The following KCNMB2 variants were observed in gnomAD, a reference collection of about 807,000 sequenced individuals.
KCNMB2 encodes the protein potassium calcium-activated channel subfamily M regulatory beta subunit 2, also known as calcium-activated potassium channel subunit beta-2.
In KCNMB2, 9 loss-of-function variants were observed where a neutral mutation model predicts 24.5. That is an observed-to-expected ratio of 0.37 (90% CI 0.22 to 0.64). The LOEUF (loss-of-function observed/expected upper bound fraction) is 0.64, where lower values mean the gene tolerates loss of function less well. Among genes scored for constraint, KCNMB2 ranks in the 30% least tolerant of loss-of-function variants. The probability of loss-of-function intolerance (pLI) is 0.63; values close to 1 mark genes in which losing one functional copy is unlikely to be tolerated. For missense variants in KCNMB2, 226 were observed against 284.3 expected, an observed-to-expected ratio of 0.79 and a Z score of 1.47; for synonymous variants, 109 against 104.4, an observed-to-expected ratio of 1.04 and a Z score of -0.27.
intron 1 of KCNMB2, among the ~76,000 whole-genome samples, chr3:178,803,525 G>T (rs1481894299): frequency 1.3e-5 from 2 of 152,202 alleles, no homozygotes. Flanking sequence ...TACATACTTA[G>T]ATGGTCAAGG....
chr3:178,599,468 C>A (rs1349786647), intron 1 of KCNMB2, among the ~76,000 whole-genome samples: 1 of 152,188 alleles, frequency 6.6e-6, no homozygotes, highest in East Asian at 1.9e-4. Context: ...TATGTGCTAT[C>A]AAAACAATAC....
intron 4 of KCNMB2, among the ~76,000 whole-genome samples, chr3:178,838,377 C>T (rs1000043375): frequency 5.3e-5 from 8 of 152,156 alleles, no homozygotes; most frequent in African/African-American, 1.9e-4. Flanking sequence ...ATTCTCTGCT[C>T]TACTCACCTA....
intron 1 of KCNMB2, among the ~76,000 whole-genome samples, chr3:178,800,740 G>A (rs1157442458): frequency 6.6e-6 from 1 of 152,096 alleles, no homozygotes; most frequent in Non-Finnish European, 1.5e-5. Context: ...GTTTGTTGCA[G>A]CACTATTCAC....
chr3:178,781,839 T>C (rs1455191868), intron 1 of KCNMB2, among the ~76,000 whole-genome samples: 1 of 150,858 alleles, frequency 6.6e-6, no homozygotes, highest in Non-Finnish European at 1.5e-5. Context: ...GTGCACATAG[T>C]GCAGGTTAGT....
intron 1 of KCNMB2, among the ~76,000 whole-genome samples, chr3:178,683,453 C>T (rs1325956676): frequency 2.0e-5 from 3 of 152,060 alleles, no homozygotes; most frequent in East Asian, 3.9e-4. Context: ...AACTAATCTG[C>T]ACATGTACCC....
rs1328892815 is a variant in KCNMB2, at chr3:178,752,327, CA to C, written c.-67-55015del. Reference sequence around the variant, plus strand: ...CCTTTAAGAAAATCAAACATTTTAACAGGTGGAATTTTTGACAAGAATGTAG... The same window carrying C: ...CCTTTAAGAAAATCAAACATTTTAACGGTGGAATTTTTGACAAGAATGTAG... On this transcript the variant is annotated intron_variant, in intron 1 of 4. Transcript: ENST00000452583. Among the ~76,000 whole-genome samples, 11 of 152,186 alleles carry C rather than the reference CA, an allele frequency of 7.2e-5. No individual in the cohort carries two copies. In the East Asian group the frequency reaches 1.4e-3, roughly 19 times the overall value.
intron 1 of KCNMB2, among the ~76,000 whole-genome samples, chr3:178,585,587 T>C (rs920342566): frequency 6.6e-6 from 1 of 152,220 alleles, no homozygotes; most frequent in Middle Eastern, 3.4e-3. Flanking sequence ...CTTATCTGGG[T>C]ATTTGAATAT....
intron 1 of KCNMB2, among the ~76,000 whole-genome samples, chr3:178,643,430 C>G (rs893943919): frequency 6.6e-6 from 1 of 152,072 alleles, no homozygotes; most frequent in African/African-American, 2.4e-5. Context: ...ACTGCTGAAA[C>G]CTGAATAAGC....
intron 1 of KCNMB2, among the ~76,000 whole-genome samples, chr3:178,648,229 A>G (rs867418468): frequency 1.2e-4 from 19 of 152,152 alleles, no homozygotes; most frequent in Middle Eastern, 3.2e-3. Flanking sequence ...ATATACACAA[A>G]AATATTATGT....
At chr3:178,547,099 T>C (rs1260765664) in intron 1 of KCNMB2, among the ~76,000 whole-genome samples, 1 of 152,202 alleles carries the variant, frequency 6.6e-6, no homozygotes, top group Non-Finnish European at 1.5e-5. Context: ...TAATGCCATT[T>C]TCGCTGGAGT....
chr3:178,683,801 A>T (rs576766386), intron 1 of KCNMB2, among the ~76,000 whole-genome samples: 1 of 152,348 alleles, frequency 6.6e-6, no homozygotes, highest in East Asian at 1.9e-4. Flanking sequence ...TCAAAAAGTC[A>T]AAAGGTAAAT....
intron 1 of KCNMB2, among the ~76,000 whole-genome samples, chr3:178,760,390 A>G (rs1336005641): frequency 7.4e-6 from 1 of 135,408 alleles, no homozygotes; most frequent in Non-Finnish European, 1.6e-5. Context: ...TTATATATAT[A>G]TCCATATCCA....
intron 1 of KCNMB2, among the ~76,000 whole-genome samples, chr3:178,777,786 T>C (rs868620584): frequency 1.3e-5 from 2 of 152,166 alleles, no homozygotes; most frequent in Non-Finnish European, 2.9e-5. Flanking sequence ...TAACAGTAAA[T>C]AGGTGCTTAT....
chr3:178,656,529 T>C (rs1720348857), intron 1 of KCNMB2, among the ~76,000 whole-genome samples: 1 of 152,104 alleles, frequency 6.6e-6, no homozygotes, highest in South Asian at 2.1e-4. Flanking sequence ...TCCCAGAACT[T>C]TGGGAGGCTG....
At chr3:178,683,132 T>G (rs561737747) in intron 1 of KCNMB2, among the ~76,000 whole-genome samples, 1 of 152,284 alleles carries the variant, frequency 6.6e-6, no homozygotes, top group South Asian at 2.1e-4. Flanking sequence ...CATGGAATAC[T>G]ACGCAACCAT....
At chr3:178,579,821 G>A (rs1466511058) in intron 1 of KCNMB2, among the ~76,000 whole-genome samples, 1 of 152,146 alleles carries the variant, frequency 6.6e-6, no homozygotes, top group East Asian at 1.9e-4. Context: ...GCTAAACCAG[G>A]AAGAAGTCAA....
intron 1 of KCNMB2, among the ~76,000 whole-genome samples, chr3:178,733,266 A>G (rs923664998): frequency 2.0e-5 from 3 of 152,128 alleles, no homozygotes; most frequent in African/African-American, 7.2e-5. Context: ...GAGGCAGGAC[A>G]TCACTGATAT....
chr3:178,624,930 G>A (rs970438503), intron 1 of KCNMB2, among the ~76,000 whole-genome samples: 1 of 152,132 alleles, frequency 6.6e-6, no homozygotes, highest in African/African-American at 2.4e-5. Flanking sequence ...TGCCCAGAGT[G>A]AGGGAAACCA....
At chr3:178,813,705 A>C (rs1278569141) in intron 2 of KCNMB2, among the ~76,000 whole-genome samples, 2 of 152,114 alleles carry the variant, frequency 1.3e-5, no homozygotes, top group African/African-American at 2.4e-5. Context: ...TTCCAAACTC[A>C]AGTTACTTTT....
Sources: allele counts gnomAD v4.1 joint callset (sites outside exome capture counted in the v4.1 genomes callset), GRCh38; gene constraint gnomAD v4.1.1; transcripts MANE v1.5; gene names NCBI Gene and HGNC (gene_info 2026-07-23, HGNC 2026-07-21).